The following SYT1 variants were observed in gnomAD, a reference collection of about 807,000 sequenced individuals.
SYT1 encodes synaptotagmin-1.
SYT1 carries 8 observed loss-of-function variants against 44.8 expected under a neutral mutation model. The ratio of observed to expected loss-of-function variants is 0.18; its 90% CI spans 0.10 to 0.32. SYT1 has a LOEUF of 0.32. Among genes scored for constraint, SYT1 ranks in the 10% least tolerant of loss-of-function variants. SYT1 has a pLI of 1.00. For missense variants in SYT1, 286 were observed against 509.3 expected (o/e 0.56, Z 4.22); for synonymous variants, 154 against 188.8 (o/e 0.82, Z 1.51).
chr12:79,378,141 C>T (rs919009562), intron 9 of SYT1, among the ~76,000 whole-genome samples: 1 of 152,192 alleles, frequency 6.6e-6, no homozygotes, highest in East Asian at 1.9e-4. Flanking sequence ...TTTTAATTCA[C>T]TTGCTAGATT....
intron 3 of SYT1, among the ~76,000 whole-genome samples, chr12:79,197,061 A>T (rs1212300475): frequency 6.6e-6 from 1 of 152,210 alleles, no homozygotes; most frequent in Non-Finnish European, 1.5e-5. Context: ...GATGTGGCTG[A>T]AGTGTTGCTG....
Position 79,064,922 on chromosome 12 carries a change from T to TAGAG in SYT1, c.-18+17564_-18+17567dup, listed in dbSNP as rs1164955561. ...CAGCCCCACTCTTTAGACAAAAAAA[T>TAGAG]AGAGAGAAAGAAAGAAAGAAAGAAA... On this transcript the variant is annotated intron_variant, in intron 3 of 10. Transcript: ENST00000261205. 3.5e-3 allele frequency among the ~76,000 whole-genome samples: 251 copies of TAGAG among 72,490 alleles called. 2 individuals are homozygous for TAGAG. The highest frequency in any genetic ancestry group is 0.012 in the African/African-American group (222 of 19,072). 47.6% of individuals were successfully genotyped at this position (72,490 alleles called of 152,430 possible).
At chr12:78,974,381 T>A (rs1273467952) in intron 1 of SYT1, among the ~76,000 whole-genome samples, 1 of 151,966 alleles carries the variant, frequency 6.6e-6, no homozygotes, top group Non-Finnish European at 1.5e-5. Flanking sequence ...AGAAAACAGA[T>A]CAATCTACTA....
At chr12:79,099,592 T>A (rs1440748280) in intron 3 of SYT1, among the ~76,000 whole-genome samples, 2 of 152,168 alleles carry the variant, frequency 1.3e-5, no homozygotes, top group African/African-American at 4.8e-5. Context: ...GTAGGGTTTT[T>A]AATCCTTAAA....
At chr12:79,034,214 A>G (rs1372853244) in intron 2 of SYT1, among the ~76,000 whole-genome samples, 1 of 151,506 alleles carries the variant, frequency 6.6e-6, no homozygotes, top group Non-Finnish European at 1.5e-5. Flanking sequence ...TTTTGTTTTA[A>G]GGCTTTTGTT....
chr12:79,196,429 G>A (rs2138474601), intron 3 of SYT1, among the ~76,000 whole-genome samples: 1 of 152,132 alleles, frequency 6.6e-6, no homozygotes, highest in South Asian at 2.1e-4. Context: ...GCCTCCCAAA[G>A]TACTGAGATT....
intron 8 of SYT1, chr12:79,341,296 A>G (rs1408474654): frequency 6.6e-6 from 1 of 152,180 alleles, no homozygotes; most frequent in East Asian, 1.9e-4. Context: ...TCTGCAAAAG[A>G]GAAGTCTTGG....
rs569358908 is a variant in SYT1, at chr12:79,057,911, C to G, written c.-18+10549C>G. 2.0e-5 allele frequency among the ~76,000 whole-genome samples: 3 copies of G among 152,088 alleles called. No homozygotes were observed. The South Asian group carries it at 6.2e-4, about 32-fold the overall frequency. ...AAGGCAGGTTGGACAAGCTCATGAGCATTACATATGTCACAACCTTTATAA... is the reference window on the plus strand; with the variant it reads ...AAGGCAGGTTGGACAAGCTCATGAGGATTACATATGTCACAACCTTTATAA... On this transcript the variant is annotated intron_variant, in intron 3 of 10. Transcript: ENST00000261205.
Position 79,224,233 on chromosome 12 carries a change from C to T in SYT1, c.166+6548C>T, listed in dbSNP as rs559941214. Among the ~76,000 whole-genome samples the T allele has an allele frequency of 2.0e-5, 3 of 152,224 alleles. No individual in the cohort carries two copies. In the South Asian group the frequency reaches 6.2e-4, roughly 32 times the overall value. On this transcript the variant is annotated intron_variant, in intron 4 of 10. Coordinates refer to ENST00000261205, the MANE Select transcript of SYT1 (RefSeq NM_005639.3). ...TTTTTTCTTCAAGTATGAATACTTA[C>T]TATGTACTAGGCACTTTCCCAAATG...
At chr12:79,346,707 T>C in intron 8 of SYT1, among the ~76,000 whole-genome samples, 1 of 152,212 alleles carries the variant, frequency 6.6e-6, no homozygotes. Flanking sequence ...ACAAAATTCG[T>C]TACTTGACTG....
At chr12:78,983,059 G>A (rs141244765) in intron 2 of SYT1, among the ~76,000 whole-genome samples, 4 of 150,668 alleles carry the variant, frequency 2.7e-5, no homozygotes, top group African/African-American at 9.8e-5. Context: ...AACTTTAATC[G>A]TATTTTTGTC....
chr12:79,003,082 C>T (rs1485293759), intron 2 of SYT1, among the ~76,000 whole-genome samples: 2 of 151,988 alleles, frequency 1.3e-5, no homozygotes, highest in Non-Finnish European at 2.9e-5. Flanking sequence ...AGTACAGCAT[C>T]CCAAAGAATC....
chr12:79,396,712 A>G (rs546400877), intron 9 of SYT1, among the ~76,000 whole-genome samples: 25 of 152,196 alleles, frequency 1.6e-4, no homozygotes, highest in African/African-American at 5.1e-4. Flanking sequence ...TTGAAGGATG[A>G]TATTTTTCTG....
chr12:79,443,987 T>G lies in SYT1; in HGVS notation c.929-86T>G. 2.9e-6 allele frequency: 4 copies of G among 1,387,856 alleles called. No individual in the cohort carries two copies. In the South Asian group the frequency reaches 5.3e-5, roughly 18 times the overall value. 86.0% of individuals were successfully genotyped at this position (1,387,856 alleles called of 1,614,324 possible). ...TACATGCTATATAATTATTTACCTGTGGGAAATAGTTCTTTTATAAGCTAA... is the reference window on the plus strand; with the variant it reads ...TACATGCTATATAATTATTTACCTGGGGGAAATAGTTCTTTTATAAGCTAA... On this transcript the variant is annotated intron_variant, in intron 9 of 10. Coordinates refer to ENST00000261205, the MANE Select transcript of SYT1 (RefSeq NM_005639.3).
chr12:79,251,767 T>G (rs1877225267), intron 4 of SYT1, among the ~76,000 whole-genome samples: 1 of 152,218 alleles, frequency 6.6e-6, no homozygotes. Flanking sequence ...GCCTCAGGCT[T>G]GGTAATTTAT....
At chr12:78,867,283 G>A (rs1245006795) in intron 1 of SYT1, among the ~76,000 whole-genome samples, 6 of 152,064 alleles carry the variant, frequency 3.9e-5, no homozygotes, top group African/African-American at 9.7e-5. Flanking sequence ...TTAGGAATAT[G>A]TGAAAATTTA....
chr12:79,170,824 T>C (rs1045408984), intron 3 of SYT1, among the ~76,000 whole-genome samples: 1 of 152,112 alleles, frequency 6.6e-6, no homozygotes, highest in African/African-American at 2.4e-5. Context: ...AGAGTTTTTA[T>C]AGTTTGAGGT....
At chr12:78,991,664 A>C (rs980369345) in intron 2 of SYT1, among the ~76,000 whole-genome samples, 1 of 152,188 alleles carries the variant, frequency 6.6e-6, no homozygotes, top group African/African-American at 2.4e-5. Flanking sequence ...ACTCTAGAGA[A>C]ATAATTTTGA....
At chr12:78,991,790 T>A (rs1870039314) in intron 2 of SYT1, among the ~76,000 whole-genome samples, 1 of 152,202 alleles carries the variant, frequency 6.6e-6, no homozygotes, top group Non-Finnish European at 1.5e-5. Flanking sequence ...ATAAAATTGA[T>A]AGTTGTACAT....
Sources: allele counts gnomAD v4.1 joint callset (sites outside exome capture counted in the v4.1 genomes callset), GRCh38; gene constraint gnomAD v4.1.1; transcripts MANE v1.5; gene names NCBI Gene and HGNC (gene_info 2026-07-23, HGNC 2026-07-21).